SMIM10L3: variants seen among roughly 807,000 people sequenced by gnomAD.
The protein encoded by SMIM10L3 is salivary gland specific protein SAGSIN1.
the SMIM10L3 span, among the ~76,000 whole-genome samples, chr7:6,333,120 G>A: frequency 6.9e-3 from 1,044 of 150,260 alleles, 12 homozygotes; most frequent in African/African-American, 0.024. Context: ...TCCCACCACT[G>A]CACTCCAGCC....
chr7:6,334,262 G>A, the SMIM10L3 span, among the ~76,000 whole-genome samples: 408 of 151,378 alleles, frequency 2.7e-3, no homozygotes, highest in African/African-American at 9.0e-3. Flanking sequence ...CTGGCTGGGC[G>A]CAGTGGCTCA....
chr7:6,336,208 T>G, the SMIM10L3 span, among the ~76,000 whole-genome samples: 16 of 147,008 alleles, frequency 1.1e-4, no homozygotes, highest in Non-Finnish European at 1.6e-4. Flanking sequence ...TAGCTGGGGG[T>G]GGTGGTGCAC....
At chr7:6,330,216 G>A in the SMIM10L3 span, 4 of 721,874 alleles carry the variant, frequency 5.5e-6, no homozygotes, top group Non-Finnish European at 9.0e-6. Flanking sequence ...CGCATCAACT[G>A]GCTTTGAATT....
chr7:6,340,636 G>A, the SMIM10L3 span, among the ~76,000 whole-genome samples: 1 of 152,000 alleles, frequency 6.6e-6, no homozygotes, highest in Admixed American at 6.6e-5. Flanking sequence ...GCTGGGCATG[G>A]TGGGATTATT....
the SMIM10L3 span, chr7:6,330,207 G>T: frequency 3.0e-6 from 2 of 673,990 alleles, no homozygotes; most frequent in South Asian, 2.1e-5. Context: ...AGTTCCTTCC[G>T]CATCAACTGG....
the SMIM10L3 span, chr7:6,330,690 C>A: frequency 5.0e-6 from 8 of 1,613,984 alleles, no homozygotes; most frequent in Admixed American, 1.3e-4. Flanking sequence ...GATGGCGTGG[C>A]AGTCGTGACA....
the SMIM10L3 span, chr7:6,329,489 T>C: frequency 2.0e-5 from 3 of 152,688 alleles, no homozygotes; most frequent in Admixed American, 6.6e-5. Flanking sequence ...GCACATGGCA[T>C]AGTAATTCAG....
the SMIM10L3 span, chr7:6,330,493 G>T: frequency 6.2e-7 from 1 of 1,614,142 alleles, no homozygotes; most frequent in Non-Finnish European, 8.5e-7. Flanking sequence ...TGTTTGCTTT[G>T]AAAACATGGG....
At chr7:6,331,173 C>A in the SMIM10L3 span, 1 of 1,601,784 alleles carries the variant, frequency 6.2e-7, no homozygotes, top group South Asian at 1.1e-5. Flanking sequence ...TTCTTGGATG[C>A]GGTGGGCCTG....
the SMIM10L3 span, among the ~76,000 whole-genome samples, chr7:6,337,129 T>A: frequency 6.6e-6 from 1 of 151,868 alleles, no homozygotes; most frequent in Non-Finnish European, 1.5e-5. Context: ...TGGAGTGCAG[T>A]GGCGCAATCT....
the SMIM10L3 span, among the ~76,000 whole-genome samples, chr7:6,348,033 C>T: frequency 6.6e-6 from 1 of 151,588 alleles, no homozygotes; most frequent in Non-Finnish European, 1.5e-5. Context: ...GCCTCAGCCT[C>T]CCGAGTAGCT....
chr7:6,342,438 G>C, the SMIM10L3 span, among the ~76,000 whole-genome samples: 4 of 151,618 alleles, frequency 2.6e-5, no homozygotes. Flanking sequence ...CCAGCTACTC[G>C]GGAGGCAGGA....
chr7:6,339,863 C>T, the SMIM10L3 span, among the ~76,000 whole-genome samples: 4 of 151,676 alleles, frequency 2.6e-5, no homozygotes, highest in East Asian at 3.9e-4. Context: ...GTGCAGAGGC[C>T]GGGTGCCAGC....
the SMIM10L3 span, among the ~76,000 whole-genome samples, chr7:6,344,398 G>C: frequency 2.6e-5 from 4 of 152,110 alleles, no homozygotes; most frequent in Non-Finnish European, 4.4e-5. Flanking sequence ...GTTGCACTTG[G>C]TCAAGCCCAA....
chr7:6,342,631 G>A, the SMIM10L3 span, among the ~76,000 whole-genome samples: 15 of 152,206 alleles, frequency 9.9e-5, no homozygotes, highest in South Asian at 2.1e-4. Flanking sequence ...AATAAAAACC[G>A]ATGTCCACAC....
the SMIM10L3 span, chr7:6,348,899 A>G: frequency 1.5e-4 from 56 of 385,818 alleles, no homozygotes; most frequent in Non-Finnish European, 2.3e-4. Flanking sequence ...AGTGGAGCGG[A>G]GTCCGCACGT....
the SMIM10L3 span, among the ~76,000 whole-genome samples, chr7:6,347,797 T>C: frequency 6.6e-6 from 1 of 151,674 alleles, no homozygotes; most frequent in African/African-American, 2.4e-5. Flanking sequence ...GGCTCATGCC[T>C]ATAATCCCAG....
At chr7:6,347,891 T>TATC in the SMIM10L3 span, among the ~76,000 whole-genome samples, 1 of 142,490 alleles carries the variant, frequency 7.0e-6, no homozygotes, top group African/African-American at 2.6e-5. Context: ...CCTTTATTAT[T>TATC]ATTATTATTA....
the SMIM10L3 span, chr7:6,348,920 G>C: frequency 7.8e-6 from 3 of 384,764 alleles, no homozygotes; most frequent in South Asian, 4.3e-4. Flanking sequence ...CACGCTCGGA[G>C]AAGTGCCTCC....
Sources: allele counts gnomAD v4.1 joint callset (sites outside exome capture counted in the v4.1 genomes callset), GRCh38; gene constraint gnomAD v4.1.1; transcripts MANE v1.5; gene names NCBI Gene and HGNC (gene_info 2026-07-23, HGNC 2026-07-21).